The following SRPX variants were observed in gnomAD, a reference collection of about 807,000 sequenced individuals.
SRPX encodes the protein sushi repeat-containing protein SRPX.
SRPX carries 24 observed loss-of-function variants against 38.1 expected under a neutral mutation model. The observed-to-expected ratio is 0.63, with a 90% confidence interval of 0.46 to 0.89. The LOEUF is 0.89. Ranked by LOEUF, SRPX falls within the 40% of genes least tolerant of loss-of-function variation. SRPX has a pLI of 0.00. For missense variants in SRPX, 416 were observed against 377.8 expected, an observed-to-expected ratio of 1.10 and a Z score of -0.84; for synonymous variants, 184 against 153.8, an observed-to-expected ratio of 1.20 and a Z score of -1.45.
intron 4 of SRPX, 85 bp from the exon 5 acceptor site, chrX:38,164,980 A>C: frequency 2.3e-6 from 2 of 888,735 alleles, no homozygotes; most frequent in Non-Finnish European, 3.2e-6. Context: ...TAAAATACCA[A>C]AGCCTCTGGG....
chrX:38,216,919 A>T (rs1939430824), intron 1 of SRPX, among the ~76,000 whole-genome samples: 1 of 112,493 alleles, frequency 8.9e-6, no homozygotes, highest in Admixed American at 9.4e-5. Context: ...AGCCCCCAAC[A>T]GAGAAGGTTA....
chrX:38,184,048 G>A lies in SRPX; in HGVS notation c.98-5704C>T, dbSNP rs113785681. On this transcript the variant is annotated intron_variant, in intron 1 of 9. Transcript: ENST00000378533. ...GAATGTCCAGGTAGATAAGATCATC[G>A]AGGCACCAAAGTCACTCTTAAATAA... is the stretch of plus-strand genomic sequence containing the variant. Among the ~76,000 whole-genome samples, 88 of 110,998 alleles carry A rather than the reference G, an allele frequency of 7.9e-4. 1 individual carries two copies. The Middle Eastern group carries it at 0.014, about 18-fold the overall frequency.
chrX:38,151,246 A>T (rs866722773), intron 9 of SRPX, among the ~76,000 whole-genome samples: 1 of 112,372 alleles, frequency 8.9e-6, no homozygotes, highest in Non-Finnish European at 1.9e-5. Context: ...AGGGGAGCTC[A>T]GAAGTAGATG....
chrX:38,181,818 T>A (rs1938678222), intron 1 of SRPX, among the ~76,000 whole-genome samples: 1 of 111,855 alleles, frequency 8.9e-6, no homozygotes, highest in African/African-American at 3.3e-5. Context: ...GTTTTATAGC[T>A]TTCTCTTAGT....
chrX:38,181,868 C>T (rs1938679016), intron 1 of SRPX, among the ~76,000 whole-genome samples: 1 of 111,124 alleles, frequency 9.0e-6, no homozygotes, highest in African/African-American at 3.3e-5. Flanking sequence ...CTGCTTTCTA[C>T]CCACAAGTCT....
chrX:38,161,158 C>A (rs1425097187), intron 5 of SRPX, 104 bp from the exon 6 acceptor site: 1 of 922,103 alleles, frequency 1.1e-6, no homozygotes, highest in South Asian at 3.3e-5. Flanking sequence ...GAGGGGCAAC[C>A]ATTAGACCAG....
intron 1 of SRPX, among the ~76,000 whole-genome samples, chrX:38,200,669 T>C (rs764327823): frequency 9.0e-6 from 1 of 111,417 alleles, no homozygotes; most frequent in African/African-American, 3.3e-5. Context: ...TCCTCCCTTT[T>C]ATCAGGAACC....
chrX:38,195,195 T>C (rs1166365933), intron 1 of SRPX, among the ~76,000 whole-genome samples: 1 of 110,745 alleles, frequency 9.0e-6, no homozygotes, highest in Non-Finnish European at 1.9e-5. Flanking sequence ...TTTTTAGAGA[T>C]ATAAACATAT....
At chrX:38,202,197 G>A (rs1939124810) in intron 1 of SRPX, among the ~76,000 whole-genome samples, 1 of 112,024 alleles carries the variant, frequency 8.9e-6, no homozygotes, top group Admixed American at 9.4e-5. Context: ...TCTTAAGAGG[G>A]TAGGAAGACT....
chrX:38,176,847 A>T (rs981080797), intron 2 of SRPX, among the ~76,000 whole-genome samples: 6 of 112,186 alleles, frequency 5.3e-5, no homozygotes, highest in Non-Finnish European at 9.4e-5. Context: ...GAAGCGCACA[A>T]CATGATGCTT....
intron 7 of SRPX, 78 bp downstream of exon 7, chrX:38,159,939 G>A: frequency 9.3e-7 from 1 of 1,079,505 alleles, no homozygotes; most frequent in Non-Finnish European, 1.2e-6. Flanking sequence ...GTATATGAAG[G>A]GAAACCTCTC....
intron 1 of SRPX, among the ~76,000 whole-genome samples, chrX:38,199,493 A>G (rs1939070605): frequency 9.0e-6 from 1 of 111,268 alleles, no homozygotes. Context: ...GTCTTTCTAG[A>G]AGACTAGGGT....
At chrX:38,178,913 A>C (rs1274558801) in intron 1 of SRPX, among the ~76,000 whole-genome samples, 1 of 108,651 alleles carries the variant, frequency 9.2e-6, no homozygotes, top group African/African-American at 3.4e-5. Flanking sequence ...CTTATTTAGA[A>C]CCTCTCATGA....
At chrX:38,183,676 T>G in intron 1 of SRPX, among the ~76,000 whole-genome samples, 1 of 111,819 alleles carries the variant, frequency 8.9e-6, no homozygotes, top group South Asian at 3.8e-4. Flanking sequence ...TTAGTAAACT[T>G]TCCTTTATTT....
At chrX:38,199,459 G>A (rs768251223) in intron 1 of SRPX, among the ~76,000 whole-genome samples, 2 of 110,535 alleles carry the variant, frequency 1.8e-5, no homozygotes, top group African/African-American at 3.3e-5. Context: ...TATTTCAGAG[G>A]TGAGACTCTG....
In SRPX at chrX:38,149,878, G is replaced by T; in HGVS notation, c.1228C>A (p.Pro410Thr). Residue 410 changes from proline to threonine, a missense_variant, in exon 10 of 10, where the codon CCA becomes ACA. Physicochemically the swap from Pro to Thr is conservative, Grantham distance 38. Transcript: ENST00000378533. ...ALQLRLLLRI[P>T]LYSFSMVLVD... Reference sequence around the variant, plus strand: ...AGCACCATACTGAAGGAGTAGAGTGGGATTCGCAGCAACAGCCTGTGGCAG... The same window carrying T: ...AGCACCATACTGAAGGAGTAGAGTGTGATTCGCAGCAACAGCCTGTGGCAG... The T allele has an allele frequency of 1.7e-6, 2 of 1,204,505 alleles. No homozygotes were observed. The highest frequency in any genetic ancestry group is 2.2e-6 in the Non-Finnish European group (2 of 892,555).
chrX:38,206,823 C>T (rs1270406665), intron 1 of SRPX, among the ~76,000 whole-genome samples: 4 of 111,870 alleles, frequency 3.6e-5, no homozygotes, highest in Admixed American at 1.9e-4. Flanking sequence ...CAAATACTAC[C>T]GTTACATAAC....
chrX:38,160,067 C>A lies in SRPX; in HGVS notation c.905G>T (p.Arg302Leu), dbSNP rs751193843. 3 of 1,211,225 alleles carry A rather than the reference C, an allele frequency of 2.5e-6. No homozygotes were observed. The highest frequency in any genetic ancestry group is 1.1e-6 in the Non-Finnish European group (1 of 895,209). ...CCAAGCCAGGTTGGATTGACATACT[C>A]GGGCAGGGCTACCCTGGAGCTCATA... is the stretch of plus-strand genomic sequence containing the variant. ...GGYELQGSPA[R>L]VCQSNLAWSG... is the part of the protein sequence containing the mutation. Residue 302 changes from arginine (R) to leucine (L), a missense_variant, in exon 7 of 10, where the codon CGA (arginine) becomes CTA (leucine). Physicochemically the swap from Arg to Leu is moderately radical, Grantham distance 102 (BLOSUM62 -2). Transcript: ENST00000378533.
intron 1 of SRPX, among the ~76,000 whole-genome samples, chrX:38,183,055 A>ATTT (rs35438256): frequency 4.1e-5 from 4 of 96,599 alleles, no homozygotes; most frequent in Admixed American, 1.1e-4. Context: ...TTCTTGATAG[A>ATTT]TTTTTTTTTT....
Sources: gnomAD v4.1 joint callset for allele counts (sites outside exome capture counted in the v4.1 genomes callset) on GRCh38, gnomAD v4.1.1 for gene constraint, MANE v1.5 for transcripts, NCBI Gene and HGNC (gene_info 2026-07-23, HGNC 2026-07-21) for gene names.